The following SYN3 variants were observed in gnomAD, a reference collection of about 807,000 sequenced individuals.
SYN3 encodes the protein synapsin III.
Under a neutral mutation model 65.8 loss-of-function variants are expected in SYN3, and 35 were observed. The observed-to-expected ratio is 0.53, with a 90% CI of 0.41 to 0.70. SYN3 has a LOEUF of 0.70. Among genes scored for constraint, SYN3 ranks in the 30% least tolerant of loss-of-function variants. SYN3 has a pLI of 0.00. For missense variants in SYN3, 680 were observed against 749.0 expected (o/e 0.91, Z 1.08); for synonymous variants, 270 against 292.9 (o/e 0.92, Z 0.80).
chr22:32,735,379 CTCAA>C (rs1486246496), intron 6 of SYN3, among the ~76,000 whole-genome samples: 1 of 152,180 alleles, frequency 6.6e-6, no homozygotes, highest in Non-Finnish European at 1.5e-5. Flanking sequence ...GTAGTAAATT[CTCAA>C]TCAATGCTAG....
intron 6 of SYN3, among the ~76,000 whole-genome samples, chr22:32,599,327 T>TC (rs1330038007): frequency 6.8e-6 from 1 of 147,900 alleles, no homozygotes; most frequent in East Asian, 1.9e-4. Flanking sequence ...TGATGTACTT[T>TC]TTTTTTTTTT....
At chr22:32,785,220 T>A (rs2046163920) in intron 6 of SYN3, among the ~76,000 whole-genome samples, 1 of 152,122 alleles carries the variant, frequency 6.6e-6, no homozygotes, top group African/African-American at 2.4e-5. Flanking sequence ...ATACAGAGAC[T>A]CCATGGCTCC....
chr22:32,561,196 G>A (rs915980499), intron 7 of SYN3, among the ~76,000 whole-genome samples: 2 of 152,120 alleles, frequency 1.3e-5, no homozygotes, highest in Admixed American at 6.5e-5. Context: ...TGTCACCTGC[G>A]GCCAGCGTAG....
intron 1 of SYN3, among the ~76,000 whole-genome samples, chr22:33,020,575 G>T (rs2053543521): frequency 6.6e-6 from 1 of 152,176 alleles, no homozygotes; most frequent in African/African-American, 2.4e-5. Context: ...ATTCACTGAG[G>T]TGACTCTATT....
chr22:32,870,068 A>T lies in SYN3; in HGVS notation c.462-943T>A, dbSNP rs73401508. ...TGGATTCCTTATTTTTAAGTAACACAAAAAAATCAGCCCAGGCTGGGGCAA... is the reference window on the plus strand; with the variant it reads ...TGGATTCCTTATTTTTAAGTAACACTAAAAAATCAGCCCAGGCTGGGGCAA... On this transcript the variant is annotated intron_variant, in intron 4 of 13. Transcript: ENST00000358763. Among the ~76,000 whole-genome samples the T allele has an allele frequency of 9.0e-3, 1,370 of 152,304 alleles. 27 individuals carry two copies. The highest frequency in any genetic ancestry group is 0.032 in the African/African-American group (1,318 of 41,588).
intron 6 of SYN3, among the ~76,000 whole-genome samples, chr22:32,839,689 C>G (rs545932750): frequency 6.6e-6 from 1 of 152,242 alleles, no homozygotes; most frequent in South Asian, 2.1e-4. Flanking sequence ...CATCCCAAGT[C>G]CAGGCATATA....
intron 6 of SYN3, among the ~76,000 whole-genome samples, chr22:32,668,989 T>C (rs1358320148): frequency 6.6e-6 from 1 of 152,236 alleles, no homozygotes; most frequent in Admixed American, 6.5e-5. Context: ...ATAAAAACAG[T>C]TGACATTTAT....
intron 1 of SYN3, among the ~76,000 whole-genome samples, chr22:33,022,317 C>G (rs2053574205): frequency 1.3e-5 from 2 of 152,194 alleles, no homozygotes; most frequent in African/African-American, 4.8e-5. Flanking sequence ...GCAGTGAAGT[C>G]TAGGGACAGG....
intron 3 of SYN3, among the ~76,000 whole-genome samples, chr22:32,957,827 C>T (rs1342169356): frequency 1.3e-5 from 2 of 152,208 alleles, no homozygotes; most frequent in African/African-American, 2.4e-5. Flanking sequence ...TCAATAGAGA[C>T]TCATGTTTCT....
chr22:32,788,377 TAAAAATACA>T (rs965008033), intron 6 of SYN3, among the ~76,000 whole-genome samples: 1 of 151,866 alleles, frequency 6.6e-6, no homozygotes, highest in African/African-American at 2.4e-5. Context: ...CCATCTCTAC[TAAAAATACA>T]AAAAATTAGC....
intron 2 of SYN3, among the ~76,000 whole-genome samples, chr22:32,998,368 A>G (rs1287403375): frequency 6.6e-6 from 1 of 152,328 alleles, no homozygotes; most frequent in East Asian, 1.9e-4. Context: ...AGGGTTTCAG[A>G]GGGTTTCAAA....
At chr22:33,043,881 C>G (rs765884833) in intron 1 of SYN3, among the ~76,000 whole-genome samples, 1 of 151,966 alleles carries the variant, frequency 6.6e-6, no homozygotes. Flanking sequence ...GGTGAAACAC[C>G]GTTTCTACTA....
intron 7 of SYN3, among the ~76,000 whole-genome samples, chr22:32,571,000 A>T (rs1278054146): frequency 6.6e-6 from 1 of 152,248 alleles, no homozygotes; most frequent in Non-Finnish European, 1.5e-5. Flanking sequence ...ATTTAAAAAT[A>T]TATTTAAGCA....
At chr22:32,515,023 A>C (rs1019650571) in intron 13 of SYN3, among the ~76,000 whole-genome samples, 1 of 152,112 alleles carries the variant, frequency 6.6e-6, no homozygotes, top group African/African-American at 2.4e-5. Context: ...CAAAAAAAAA[A>C]ACAAAACAAA....
chr22:32,958,895 G>A (rs1377181157), intron 3 of SYN3, among the ~76,000 whole-genome samples: 1 of 152,090 alleles, frequency 6.6e-6, no homozygotes, highest in African/African-American at 2.4e-5. Context: ...GAACCCCAGT[G>A]AGGGAATTAC....
intron 3 of SYN3, among the ~76,000 whole-genome samples, chr22:32,962,086 A>G (rs2051670998): frequency 6.7e-6 from 1 of 149,348 alleles, no homozygotes; most frequent in South Asian, 2.1e-4. Flanking sequence ...ATAAAATACT[A>G]TAGAGGAGTC....
At chr22:32,716,611 A>AC (rs755570357) in intron 6 of SYN3, among the ~76,000 whole-genome samples, 7 of 151,960 alleles carry the variant, frequency 4.6e-5, no homozygotes, top group Admixed American at 1.3e-4. Flanking sequence ...GCTCATTGCA[A>AC]CCTCTGCCTC....
chr22:32,527,639 G>A (rs943256610), intron 12 of SYN3: 6 of 350,660 alleles, frequency 1.7e-5, no homozygotes. Context: ...CATTTTCACT[G>A]CAGGACGGCT....
At chr22:32,589,130 G>A (rs2059093544) in intron 7 of SYN3, among the ~76,000 whole-genome samples, 1 of 152,204 alleles carries the variant, frequency 6.6e-6, no homozygotes, top group African/African-American at 2.4e-5. Flanking sequence ...TCACGGAGCT[G>A]TAACACTGCT....
Sources: allele counts gnomAD v4.1 joint callset (sites outside exome capture counted in the v4.1 genomes callset), GRCh38; gene constraint gnomAD v4.1.1; transcripts MANE v1.5; gene names NCBI Gene and HGNC (gene_info 2026-07-23, HGNC 2026-07-21).